The following THOP1 variants were observed in gnomAD, a reference collection of about 807,000 sequenced individuals.
THOP1 encodes the protein thimet oligopeptidase.
THOP1 carries 49 observed loss-of-function variants against 71.8 expected under a neutral mutation model. The ratio of observed to expected loss-of-function variants is 0.68; its 90% CI spans 0.54 to 0.87. THOP1 has a LOEUF of 0.87. Among genes scored for constraint, THOP1 ranks in the 40% least tolerant of loss-of-function variants. THOP1 has a pLI of 0.00. For missense variants in THOP1, 843 were observed against 975.6 expected, an observed-to-expected ratio of 0.86 and a Z score of 1.81; for synonymous variants, 426 against 421.5, an observed-to-expected ratio of 1.01 and a Z score of -0.13.
At chr19:2,803,529 AG>A (rs1159964562) in intron 5 of THOP1, among the ~76,000 whole-genome samples, 3 of 152,214 alleles carry the variant, frequency 2.0e-5, no homozygotes, top group African/African-American at 7.2e-5. Context: ...CTTCCAGTCC[AG>A]CGCTGCTGGG....
chr19:2,799,903 G>A (rs1310120828), intron 5 of THOP1, 112 bp downstream of exon 5: 14 of 997,232 alleles, frequency 1.4e-5, no homozygotes, highest in Admixed American at 4.5e-5. Flanking sequence ...GCTGAAGGGC[G>A]GCGGGAGGCC....
At chr19:2,806,851 G>A in intron 6 of THOP1, 66 bp from the exon 7 acceptor site, 1 of 1,607,358 alleles carries the variant, frequency 6.2e-7, no homozygotes, top group Non-Finnish European at 8.5e-7. Context: ...CTGGGACAGG[G>A]CGTGCTGGCC....
intron 6 of THOP1, 105 bp from the exon 7 acceptor site, chr19:2,806,812 C>T: frequency 6.3e-7 from 1 of 1,576,370 alleles, no homozygotes; most frequent in Non-Finnish European, 8.6e-7. Flanking sequence ...GACCGGAGGT[C>T]AGACGGAGCT....
At chr19:2,810,526 C>T (rs113827893) in intron 10 of THOP1, 36 bp downstream of exon 10, 54 of 1,532,418 alleles carry the variant, frequency 3.5e-5, no homozygotes, top group Middle Eastern at 2.3e-4. Flanking sequence ...GTGCTAACCT[C>T]GGGGGGCGGC....
Position 2,790,358 on chromosome 19 carries a change from T to C in THOP1, c.17-63T>C. 3 of 1,439,998 alleles carry C rather than the reference T, an allele frequency of 2.1e-6. No individual in the cohort carries two copies. The East Asian group carries it at 7.3e-5, about 35-fold the overall frequency. The allele number at this position is 1,439,998 out of a possible 1,614,324, so 89.2% of individuals were successfully genotyped here. A position where few individuals can be genotyped will look rare whatever the true frequency, so the allele number is the denominator to read the frequency against. ...ATCCCTTCCTTTCCCTCTGCCCTCC[T>C]GACTTTGACCCTAACTGAACCGAAA... On this transcript the variant is annotated intron_variant, in intron 1 of 12. Transcript: ENST00000307741.
At position 2,797,859 on chromosome 19, in the gene THOP1, C is replaced by T. The variant is rs886524445; in HGVS notation, c.486+1671C>T. On this transcript the variant is annotated intron_variant, in intron 4 of 12. Coordinates refer to ENST00000307741, the MANE Select transcript of THOP1 (RefSeq NM_003249.5). ...AGCCACCGCTGTCCTGGTTAGGGGG[C>T]GTCTCCACCTTATGGCTGAGGCAAC... Among the ~76,000 whole-genome samples, 8 of 152,098 alleles carry T rather than the reference C, an allele frequency of 5.3e-5. No homozygotes were observed. In the East Asian group the frequency reaches 7.7e-4, roughly 15 times the overall value.
chr19:2,790,325 A>G, intron 1 of THOP1, 96 bp from the exon 2 acceptor site: 1 of 1,192,998 alleles, frequency 8.4e-7, no homozygotes, highest in Non-Finnish European at 1.2e-6. Flanking sequence ...CTGGATGAGA[A>G]GCGGGTGATC....
rs577370400 is a variant in THOP1 at position 2,805,654 on chromosome 19, G to A, written c.750+478G>A. ...CTGTCCACGGCGCCATGGTGTGGTC[G>A]GTCAGGTGGTCTCTGCACGTCTCCC... On this transcript the variant is annotated intron_variant, in intron 6 of 12. Transcript: ENST00000307741. The surrounding 1 kb of genome is among the most constrained non-coding windows in gnomAD (Gnocchi z 6.6). Among the ~76,000 whole-genome samples, 5 of 152,198 alleles carry A rather than the reference G, an allele frequency of 3.3e-5. No homozygotes were observed. The highest frequency in any genetic ancestry group is 3.9e-4 in the East Asian group (2 of 5,178).
At chr19:2,787,309 G>A (rs1915770345) in intron 1 of THOP1, among the ~76,000 whole-genome samples, 1 of 152,166 alleles carries the variant, frequency 6.6e-6, no homozygotes, top group Non-Finnish European at 1.5e-5. Context: ...TTGCGATGAG[G>A]GTGATAATTG....
intron 11 of THOP1, 27 bp from the exon 12 acceptor site, chr19:2,811,571 G>T (rs201498081): frequency 1.9e-6 from 3 of 1,605,678 alleles, no homozygotes; most frequent in Admixed American, 1.7e-5. Flanking sequence ...GGGCTACAGC[G>T]TGAACCCTGC....
chr19:2,810,076 G>A, intron 9 of THOP1: 1 of 581,820 alleles, frequency 1.7e-6, no homozygotes, highest in Non-Finnish European at 3.0e-6. Flanking sequence ...CCAGGGACGG[G>A]GTCATGTGGC....
chr19:2,803,138 AT>A (rs1442595705), intron 5 of THOP1, among the ~76,000 whole-genome samples: 1 of 152,076 alleles, frequency 6.6e-6, no homozygotes, highest in Middle Eastern at 3.2e-3. Flanking sequence ...CAGATGCTCC[AT>A]TTCTTGGAGG....
In THOP1 at chr19:2,794,948, C is replaced by T. The variant is rs950835915; in HGVS notation, c.378+36C>T. ...CCTGCGGGGAGTGCAAATAGCCTCC[C>T]AAGTAACTAGGATTACAGGCGCCCG... On this transcript the variant is annotated intron_variant, in intron 3 of 12. Coordinates refer to ENST00000307741, the MANE Select transcript of THOP1 (RefSeq NM_003249.5). 3 of 1,588,232 alleles carry T rather than the reference C, an allele frequency of 1.9e-6. No individual in the cohort carries two copies. The African/African-American group carries it at 4.0e-5, about 21-fold the overall frequency.
chr19:2,812,695 C>T (rs1468368252), intron 12 of THOP1, among the ~76,000 whole-genome samples: 3 of 152,224 alleles, frequency 2.0e-5, no homozygotes, highest in Non-Finnish European at 4.4e-5. Context: ...GCACCGGCGC[C>T]TCGCAGTCTC....
rs756113184 is a variant in THOP1, at chr19:2,790,519, GA to G, written c.116del (p.Glu39GlyfsTer74). The G allele has an allele frequency of 9.9e-6, 16 of 1,608,132 alleles. No individual in the cohort carries two copies. The highest frequency in any genetic ancestry group is 1.4e-5 in the Non-Finnish European group (16 of 1,177,448). ...SAQQIEERTR[E>X]LIEQTKRVYD... ...CCAGCAGATAGAGGAGCGCACCAGG[GA>G]GCTCATCGAGCAGACCAAGCGCGTG... is the stretch of plus-strand genomic sequence containing the variant. On this transcript the variant is annotated frameshift_variant, in exon 2 of 13. Coordinates refer to ENST00000307741, the MANE Select transcript of THOP1 (RefSeq NM_003249.5). LOFTEE classifies it high-confidence loss of function.
rs1459202199 is a variant in THOP1, at chr19:2,796,167, C to G, written c.465C>G (p.His155Gln). The change falls in exon 4 of 13, where the codon CAC becomes CAG. Residue 155 changes from histidine to glutamine, a missense_variant. Coordinates refer to ENST00000307741, the MANE Select transcript of THOP1 (RefSeq NM_003249.5). ...LIKLGRRNGLHLPRETQENIK... is the reference protein window; with the variant it reads ...LIKLGRRNGLQLPRETQENIK... Reference sequence around the variant, plus strand: ...AGCTGGGCCGGAGAAATGGGCTTCACCTCCCCAGAGAGACTCAGGAAGTGA... The same window carrying G: ...AGCTGGGCCGGAGAAATGGGCTTCAGCTCCCCAGAGAGACTCAGGAAGTGA... The G allele has an allele frequency of 6.2e-7, 1 of 1,613,436 alleles. No individual in the cohort carries two copies. The highest frequency in any genetic ancestry group is 1.1e-5 in the South Asian group (1 of 91,038).
chr19:2,794,984 C>T (rs892239351), intron 3 of THOP1, 72 bp downstream of exon 3: 30 of 1,543,158 alleles, frequency 1.9e-5, no homozygotes, highest in South Asian at 3.4e-5. Context: ...CCACCACACC[C>T]GGCTAATTTT....
rs569106004 is a variant in THOP1 at position 2,806,987 on chromosome 19, C to T, written c.821C>T (p.Thr274Met). 1.7e-5 allele frequency: 28 copies of T among 1,613,076 alleles called. No individual in the cohort carries two copies. Among genetic ancestry groups the T allele is most frequent in the Non-Finnish European group, 2.4e-5 (28 of 1,179,852 alleles). Residue 274 changes from threonine to methionine, a missense_variant, in exon 7 of 13, where the codon ACG becomes ATG. Physicochemically the swap from Thr to Met is moderately conservative, Grantham distance 81 (BLOSUM62 -1). Coordinates refer to ENST00000307741, the MANE Select transcript of THOP1 (RefSeq NM_003249.5). Reference sequence around the variant, plus strand: ...AAGTCCCGCCTGCTGGGGTTCCACACGCACGCCGACTATGTCCTGGAGATG... The same window carrying T: ...AAGTCCCGCCTGCTGGGGTTCCACATGCACGCCGACTATGTCCTGGAGATG... ...AQKSRLLGFHTHADYVLEMNM... is the reference protein window; with the variant it reads ...AQKSRLLGFHMHADYVLEMNM...
chr19:2,808,391 G>A lies in THOP1; in HGVS notation c.1402G>A (p.Val468Met), dbSNP rs1916369430. 6.2e-7 allele frequency: 1 copy of A among 1,611,254 alleles called. No individual in the cohort carries two copies. The highest frequency in any genetic ancestry group is 8.5e-7 in the Non-Finnish European group (1 of 1,178,898). Residue 468 changes from valine to methionine, a missense_variant, in exon 9 of 13, where the codon GTG (valine) becomes ATG (methionine). Transcript: ENST00000307741. ...DAPSLLQHDE[V>M]ETYFHEFGHV... ...GCCCTCGCTGCTGCAGCATGACGAG[G>A]TGGAGACCTACTTCCATGAGTTTGG... is the stretch of plus-strand genomic sequence containing the variant.
Sources: gnomAD v4.1 joint callset for allele counts (sites outside exome capture counted in the v4.1 genomes callset) on GRCh38, gnomAD v4.1.1 for gene constraint, Gnocchi (gnomAD v3.1) non-coding constraint, MANE v1.5 for transcripts, NCBI Gene and HGNC (gene_info 2026-07-23, HGNC 2026-07-21) for gene names.